Variants in KIF21A observed in about 807,000 individuals in gnomAD.
KIF21A encodes the protein kinesin-like protein KIF21A.
In KIF21A, 114 loss-of-function variants were observed where a neutral mutation model predicts 202.9. The ratio of observed to expected loss-of-function variants is 0.56; its 90% CI spans 0.48 to 0.66. The LOEUF is 0.66. Among genes scored for constraint, KIF21A ranks in the 30% least tolerant of loss-of-function variants. The pLI is 0.00. For missense variants in KIF21A, 1,677 were observed against 1,994.9 expected (o/e 0.84, Z 3.04); for synonymous variants, 667 against 670.8 (o/e 0.99, Z 0.09).
chr12:39,335,995 C>T (rs894580002), intron 17 of KIF21A, among the ~76,000 whole-genome samples: 1 of 152,018 alleles, frequency 6.6e-6, no homozygotes, highest in Non-Finnish European at 1.5e-5. Context: ...GCTTTATGCT[C>T]GTATTTTTCC....
chr12:39,429,749 T>C (rs1183714094), intron 1 of KIF21A, among the ~76,000 whole-genome samples: 1 of 152,036 alleles, frequency 6.6e-6, no homozygotes, highest in African/African-American at 2.4e-5. Flanking sequence ...CTTAAGGTGA[T>C]TTTGAAAGAA....
rs531554239 is a variant in KIF21A at position 39,416,813 on chromosome 12, G to GTATATATA, written c.44+26113_44+26114insTATATATA. On this transcript the variant is annotated intron_variant, in intron 1 of 37. Transcript: ENST00000361418. ...TGTATATATATGTACATATATATGTGTGTATATATGTACATATATGTGTAT... is the reference window on the plus strand; with the variant it reads ...TGTATATATATGTACATATATATGTGTATATATATGTATATATGTACATATATGTGTAT... Among the ~76,000 whole-genome samples, 889 of 98,362 alleles carry GTATATATA rather than the reference G, an allele frequency of 9.0e-3. 52 individuals are homozygous for GTATATATA. Among genetic ancestry groups the GTATATATA allele is most frequent in the Middle Eastern group, 0.021 (4 of 192 alleles). 64.5% of individuals were successfully genotyped at this position (98,362 alleles called of 152,430 possible).
chr12:39,366,452 A>G lies in KIF21A; in HGVS notation c.801T>C (p.Thr267=), dbSNP rs1036685027. Residue 267 remains threonine (T), a synonymous_variant, in exon 6 of 38, where the codon ACT becomes ACC. Coordinates refer to ENST00000361418, the MANE Select transcript of KIF21A (RefSeq NM_001173464.2). Reference sequence around the variant, plus strand: ...CGAGATCAACAAAATGGAACTTTGCAGTCAGGGTTTCAAATTCATTCATCT... The same window carrying G: ...CGAGATCAACAAAATGGAACTTTGCGGTCAGGGTTTCAAATTCATTCATCT... ...SAQMNEFETL[T]AKFHFVDLAG... is the part of the protein sequence containing the mutation. 5.0e-6 allele frequency: 8 copies of G among 1,613,630 alleles called. No homozygotes were observed. In the African/African-American group the frequency reaches 1.1e-4, roughly 22 times the overall value.
intron 11 of KIF21A, among the ~76,000 whole-genome samples, chr12:39,351,544 ATT>A (rs1255030188): frequency 6.6e-6 from 1 of 152,080 alleles, no homozygotes; most frequent in African/African-American, 2.4e-5. Flanking sequence ...GTAATTTTAT[ATT>A]GTCATGTTCT....
chr12:39,321,987 GA>G (rs1388664866), intron 27 of KIF21A: 1 of 152,452 alleles, frequency 6.6e-6, no homozygotes, highest in Admixed American at 6.6e-5. Flanking sequence ...GACTATGTGG[GA>G]AAATCTTTCT....
chr12:39,337,382 T>A lies in KIF21A; in HGVS notation c.2311-179A>T, dbSNP rs961680976. Reference sequence around the variant, plus strand: ...TGTGGGATTCATATATTTCTATTTCTAATACATTTTTATTAAATTGCTTAG... The same window carrying A: ...TGTGGGATTCATATATTTCTATTTCAAATACATTTTTATTAAATTGCTTAG... On this transcript the variant is annotated intron_variant, in intron 16 of 37. Transcript: ENST00000361418. 6.9e-6 allele frequency: 4 copies of A among 583,470 alleles called. No individual in the cohort carries two copies. The Admixed American group carries it at 9.1e-5, about 13-fold the overall frequency. The allele number at this position is 583,470 out of a possible 1,614,324, so 36.1% of individuals were successfully genotyped here. A position where few individuals can be genotyped will look rare whatever the true frequency, so the allele number is the denominator to read the frequency against.
At chr12:39,323,679 T>C (rs1190659833) in intron 26 of KIF21A, among the ~76,000 whole-genome samples, 1 of 152,176 alleles carries the variant, frequency 6.6e-6, no homozygotes, top group Non-Finnish European at 1.5e-5. Flanking sequence ...AATCAAGTGT[T>C]TTACCAGATT....
rs1474014660 is a variant in KIF21A at position 39,357,345 on chromosome 12, A to T, written c.1308T>A (p.Arg436=). Residue 436 remains arginine, a synonymous_variant, in exon 9 of 38, where the codon CGT becomes CGA. Transcript: ENST00000361418. The part of the protein sequence containing the change: ...AMLQTENNNL[R]VRIKAMQETV... ...TCTCTTGCATGGCTTTAATTCTTAC[A>T]CGCAGGTTATTATTTTCAGTCTGTA... 1.2e-6 allele frequency: 2 copies of T among 1,613,940 alleles called. No homozygotes were observed. Among genetic ancestry groups the T allele is most frequent in the African/African-American group, 2.7e-5 (2 of 74,914 alleles).
chr12:39,368,884 T>C (rs1258203841), intron 3 of KIF21A, among the ~76,000 whole-genome samples: 1 of 152,172 alleles, frequency 6.6e-6, no homozygotes, highest in Non-Finnish European at 1.5e-5. Flanking sequence ...TATGCCACTG[T>C]CCACCAAAGT....
chr12:39,399,607 C>A (rs370817256), intron 1 of KIF21A, among the ~76,000 whole-genome samples: 3 of 152,164 alleles, frequency 2.0e-5, no homozygotes, highest in African/African-American at 7.2e-5. Flanking sequence ...TCTGTATGCA[C>A]GAGGTCTTAA....
chr12:39,372,042 A>C (rs780048548), intron 1 of KIF21A, among the ~76,000 whole-genome samples: 1 of 152,022 alleles, frequency 6.6e-6, no homozygotes, highest in Non-Finnish European at 1.5e-5. Context: ...AAAAAAAAAA[A>C]AAACTCAGGT....
In KIF21A at chr12:39,443,082, C is replaced by A. The variant is rs1305000490; in HGVS notation, c.-112G>T. The A allele has an allele frequency of 2.0e-5, 22 of 1,087,262 alleles. No homozygotes were observed. The highest frequency in any genetic ancestry group is 1.2e-6 in the Non-Finnish European group (1 of 812,438). 67.4% of individuals were successfully genotyped at this position (1,087,262 alleles called of 1,614,324 possible). A position where few individuals can be genotyped will look rare whatever the true frequency, so the allele number is the denominator to read the frequency against. ...GCTGGGGCGTCTGCGGGCGGGCGGC[C>A]GGCTCACCTCCGCCGCGCTCCAGCC... On this transcript the variant is annotated 5_prime_UTR_variant, in exon 1 of 38. Coordinates refer to ENST00000361418, the MANE Select transcript of KIF21A (RefSeq NM_001173464.2).
intron 11 of KIF21A, among the ~76,000 whole-genome samples, chr12:39,350,292 A>T (rs1221644637): frequency 6.6e-6 from 1 of 151,946 alleles, no homozygotes; most frequent in Non-Finnish European, 1.5e-5. Context: ...TTCTATTGGG[A>T]TCCTTATTTA....
intron 30 of KIF21A, 165 bp downstream of exon 30, chr12:39,315,767 C>G: frequency 1.4e-6 from 1 of 712,040 alleles, no homozygotes; most frequent in East Asian, 2.6e-5. Context: ...AAGGTATGAC[C>G]ACAAAAATGT....
chr12:39,378,232 C>T (rs752179490), intron 1 of KIF21A, among the ~76,000 whole-genome samples: 1 of 152,142 alleles, frequency 6.6e-6, no homozygotes, highest in Non-Finnish European at 1.5e-5. Flanking sequence ...TTTTATCCCA[C>T]GGTTCATCTA....
In KIF21A at chr12:39,360,479, T is replaced by C. The variant is rs1291420351; in HGVS notation, c.1020-2106A>G. ...ATCTCAGCTCACTGCAACCTCCGCCTCCTGAGTTAAAGCGATTCTCCTGCC... is the reference window on the plus strand; with the variant it reads ...ATCTCAGCTCACTGCAACCTCCGCCCCCTGAGTTAAAGCGATTCTCCTGCC... On this transcript the variant is annotated intron_variant, in intron 7 of 37. Coordinates refer to ENST00000361418, the MANE Select transcript of KIF21A (RefSeq NM_001173464.2). 6.6e-5 allele frequency among the ~76,000 whole-genome samples: 10 copies of C among 151,736 alleles called. No homozygotes were observed. In the East Asian group the frequency reaches 1.9e-3, roughly 30 times the overall value.
chr12:39,323,145 T>C (rs1449055584), intron 26 of KIF21A, among the ~76,000 whole-genome samples: 1 of 152,082 alleles, frequency 6.6e-6, no homozygotes, highest in Non-Finnish European at 1.5e-5. Flanking sequence ...TAGCACGAGA[T>C]AGGTAATATC....
intron 26 of KIF21A, among the ~76,000 whole-genome samples, chr12:39,323,919 G>A (rs1945565653): frequency 6.6e-6 from 1 of 152,028 alleles, no homozygotes; most frequent in Non-Finnish European, 1.5e-5. Context: ...GACCCTCCTG[G>A]CTAACATGGT....
At chr12:39,392,701 A>C (rs116726212) in intron 1 of KIF21A, among the ~76,000 whole-genome samples, 162 of 151,540 alleles carry the variant, frequency 1.1e-3, no homozygotes, top group African/African-American at 3.9e-3. Context: ...GGTTGAGAGC[A>C]TTTGCAGCAC....
Sources: gnomAD v4.1 joint callset for allele counts (sites outside exome capture counted in the v4.1 genomes callset) on GRCh38, gnomAD v4.1.1 for gene constraint, MANE v1.5 for transcripts, NCBI Gene and HGNC (gene_info 2026-07-23, HGNC 2026-07-21) for gene names.